EPB41L3: variants seen among roughly 807,000 people sequenced by gnomAD.
The protein encoded by EPB41L3 is erythrocyte membrane protein band 4.1 like 3.
In EPB41L3, 57 loss-of-function variants were observed where a neutral mutation model predicts 127.1. The observed-to-expected ratio is 0.45, with a 90% CI of 0.36 to 0.56. The LOEUF (loss-of-function observed/expected upper bound fraction) is 0.56, where lower values mean the gene tolerates loss of function less well. EPB41L3 is among the 20% of genes least tolerant of loss of function. EPB41L3 has a pLI of 0.00. For synonymous variants in EPB41L3, 572 were observed against 549.5 expected, an observed-to-expected ratio of 1.04 and a Z score of -0.57; for missense variants, 1,273 against 1,372.2, an observed-to-expected ratio of 0.93 and a Z score of 1.14.
chr18:5,401,660 T>C (rs1306396555), intron 16 of EPB41L3, among the ~76,000 whole-genome samples: 1 of 152,182 alleles, frequency 6.6e-6, no homozygotes, highest in Non-Finnish European at 1.5e-5. Context: ...TTTTTTAAAG[T>C]CAATTTCAAA....
chr18:5,503,383 G>A (rs1425770630), intron 1 of EPB41L3, among the ~76,000 whole-genome samples: 1 of 152,074 alleles, frequency 6.6e-6, no homozygotes, highest in Non-Finnish European at 1.5e-5. Flanking sequence ...CGGAGTGCCC[G>A]AAAAAAACAT....
intron 1 of EPB41L3, among the ~76,000 whole-genome samples, chr18:5,624,809 A>G (rs1568665887): frequency 6.6e-6 from 1 of 152,218 alleles, no homozygotes; most frequent in Non-Finnish European, 1.5e-5. Context: ...ACACCAAAGA[A>G]TAAATACATG....
intron 3 of EPB41L3, among the ~76,000 whole-genome samples, chr18:5,572,095 C>T (rs1001570556): frequency 1.3e-5 from 2 of 152,186 alleles, no homozygotes; most frequent in African/African-American, 4.8e-5. Context: ...GCTTGGGAGT[C>T]TCCCACTCTA....
intron 1 of EPB41L3, among the ~76,000 whole-genome samples, chr18:5,617,035 CCTAA>C (rs1344392903): frequency 4.6e-5 from 7 of 152,002 alleles, no homozygotes; most frequent in Non-Finnish European, 8.8e-5. Context: ...AAAGATAATG[CCTAA>C]CTGTTTTTCA....
At chr18:5,532,849 T>C (rs975416520) in intron 1 of EPB41L3, among the ~76,000 whole-genome samples, 1 of 152,036 alleles carries the variant, frequency 6.6e-6, no homozygotes, top group Non-Finnish European at 1.5e-5. Flanking sequence ...CCGAATAAAA[T>C]GCTTTACAGT....
chr18:5,450,101 A>G (rs552986728), intron 3 of EPB41L3, among the ~76,000 whole-genome samples: 2 of 152,202 alleles, frequency 1.3e-5, no homozygotes, highest in Admixed American at 6.5e-5. Context: ...ACTACTGTAC[A>G]TATCATCCTG....
At chr18:5,448,921 C>T (rs1046743611) in intron 3 of EPB41L3, among the ~76,000 whole-genome samples, 1 of 152,108 alleles carries the variant, frequency 6.6e-6, no homozygotes, top group South Asian at 2.1e-4. Flanking sequence ...TGGCATATCT[C>T]CAAGCAACTT....
chr18:5,436,590 A>G (rs2079864108), intron 6 of EPB41L3, among the ~76,000 whole-genome samples: 1 of 151,658 alleles, frequency 6.6e-6, no homozygotes, highest in Admixed American at 6.6e-5. Context: ...TTGTATTTTT[A>G]GTGGAGACAG....
chr18:5,628,219 G>A (rs2094944632), intron 1 of EPB41L3, among the ~76,000 whole-genome samples: 1 of 152,226 alleles, frequency 6.6e-6, no homozygotes, highest in East Asian at 1.9e-4. Context: ...CTGCTCTACC[G>A]GGTTAGAATC....
At chr18:5,482,607 GA>G (rs1822469406) in intron 2 of EPB41L3, among the ~76,000 whole-genome samples, 1 of 152,014 alleles carries the variant, frequency 6.6e-6, no homozygotes, top group East Asian at 1.9e-4. Context: ...AGCAGCAAGA[GA>G]AAAAGAAACA....
intron 3 of EPB41L3, among the ~76,000 whole-genome samples, chr18:5,595,509 T>A (rs951895420): frequency 1.3e-5 from 2 of 152,082 alleles, no homozygotes; most frequent in Admixed American, 1.3e-4. Flanking sequence ...AGGTCTACCC[T>A]AGGGGCCATC....
intron 14 of EPB41L3, among the ~76,000 whole-genome samples, chr18:5,408,064 G>A (rs1598547619): frequency 6.6e-6 from 1 of 152,242 alleles, no homozygotes; most frequent in South Asian, 2.1e-4. Context: ...AGTGGGGGGA[G>A]CCAGATTAAA....
At chr18:5,444,111 C>A (rs913776174) in intron 4 of EPB41L3, among the ~76,000 whole-genome samples, 1 of 152,138 alleles carries the variant, frequency 6.6e-6, no homozygotes, top group African/African-American at 2.4e-5. Flanking sequence ...TGACAAAAGT[C>A]TTTTTCTTTT....
chr18:5,403,590 CAA>C (rs199992647), intron 16 of EPB41L3, among the ~76,000 whole-genome samples: 16 of 102,588 alleles, frequency 1.6e-4, no homozygotes, highest in Admixed American at 2.1e-4. Context: ...TCACTGAGAC[CAA>C]AAAAAAAAAA....
chr18:5,544,720 A>G (rs968705080), upstream of EPB41L3, among the ~76,000 whole-genome samples: 10 of 152,358 alleles, frequency 6.6e-5, no homozygotes, highest in African/African-American at 2.4e-4. Flanking sequence ...AGAGTGAATA[A>G]GACATAGCAT....
At chr18:5,574,995 C>G (rs1040824246) in intron 3 of EPB41L3, among the ~76,000 whole-genome samples, 1 of 152,142 alleles carries the variant, frequency 6.6e-6, no homozygotes, top group Non-Finnish European at 1.5e-5. Flanking sequence ...TTGAGGAGCC[C>G]TTCATCACTT....
chr18:5,483,975 A>G (rs765269994), intron 2 of EPB41L3, among the ~76,000 whole-genome samples: 15 of 151,006 alleles, frequency 9.9e-5, no homozygotes, highest in Non-Finnish European at 1.6e-4. Context: ...AGGCCTAACC[A>G]ACATTTACAC....
intron 1 of EPB41L3, among the ~76,000 whole-genome samples, chr18:5,500,319 T>C (rs2148497219): frequency 6.6e-6 from 1 of 152,282 alleles, no homozygotes; most frequent in East Asian, 1.9e-4. Flanking sequence ...GAGCATATTT[T>C]TCTATTCCCC....
At chr18:5,576,021 A>G (rs1257219712) in intron 3 of EPB41L3, among the ~76,000 whole-genome samples, 1 of 152,232 alleles carries the variant, frequency 6.6e-6, no homozygotes, top group African/African-American at 2.4e-5. Flanking sequence ...TTTGATTTTC[A>G]GTAATTTCTT....
Sources: gnomAD v4.1 joint callset for allele counts (sites outside exome capture counted in the v4.1 genomes callset) on GRCh38, gnomAD v4.1.1 for gene constraint, MANE v1.5 for transcripts, NCBI Gene and HGNC (gene_info 2026-07-23, HGNC 2026-07-21) for gene names.